FNDC3B: variants seen among roughly 807,000 people sequenced by gnomAD.
FNDC3B encodes fibronectin type III domain-containing protein 3B.
A neutral mutation model predicts 151.5 loss-of-function variants in FNDC3B; 12 were observed. The ratio of observed to expected loss-of-function variants is 0.08; its 90% CI spans 0.05 to 0.13. The LOEUF (loss-of-function observed/expected upper bound fraction) is 0.13, where lower values mean the gene tolerates loss of function less well. FNDC3B is among the 10% of genes least tolerant of loss of function. The probability of loss-of-function intolerance (pLI) is 1.00; values close to 1 mark genes in which losing one functional copy is unlikely to be tolerated. For synonymous variants in FNDC3B, 528 were observed against 549.0 expected, an observed-to-expected ratio of 0.96 and a Z score of 0.54; for missense variants, 1,214 against 1,505.3, an observed-to-expected ratio of 0.81 and a Z score of 3.20.
chr3:172,288,135 C>CAG (rs761314929), intron 7 of FNDC3B, among the ~76,000 whole-genome samples: 1 of 152,198 alleles, frequency 6.6e-6, no homozygotes, highest in Admixed American at 6.5e-5. Flanking sequence ...TTGTTGCCAA[C>CAG]AGAGAGAAAG....
chr3:172,358,954 T>TTGGTGGTGGTGG lies in FNDC3B; in HGVS notation c.2796-3625_2796-3614dup, dbSNP rs60325692. Among the ~76,000 whole-genome samples, 91 of 80,610 alleles carry TTGGTGGTGGTGG rather than the reference T, an allele frequency of 1.1e-3. 1 individual carries two copies. Among genetic ancestry groups the TTGGTGGTGGTGG allele is most frequent in the Admixed American group, 3.2e-3 (20 of 6,288 alleles). The allele number at this position is 80,610 out of a possible 152,430, so 52.9% of individuals were successfully genotyped here. A position where few individuals can be genotyped will look rare whatever the true frequency, so the allele number is the denominator to read the frequency against. On this transcript the variant is annotated intron_variant, in intron 22 of 25. Coordinates refer to ENST00000415807, the MANE Select transcript of FNDC3B (RefSeq NM_022763.4). ...AGTGTTAAATGCTACCACAGTTTTC[T>TTGGTGGTGGTGG]TGGTGGTGGTGGTGGTGGTGGTGGT...
At chr3:172,069,399 A>C (rs73037199) in intron 1 of FNDC3B, among the ~76,000 whole-genome samples, 4,473 of 152,334 alleles carry the variant, frequency 0.029, 214 homozygotes, top group African/African-American at 0.098. Context: ...TAGAGCCACT[A>C]AATATCTCTA....
chr3:172,377,114 T>A (rs567350392), intron 23 of FNDC3B, among the ~76,000 whole-genome samples: 1 of 152,340 alleles, frequency 6.6e-6, no homozygotes, highest in African/African-American at 2.4e-5. Flanking sequence ...ACATAAATTC[T>A]GCTTACCCCT....
chr3:172,316,342 G>A (rs551498495), intron 11 of FNDC3B: 1 of 446,118 alleles, frequency 2.2e-6, no homozygotes, highest in South Asian at 1.6e-5. Flanking sequence ...AGCAGAGGTG[G>A]GAGTTTTTCT....
intron 6 of FNDC3B, among the ~76,000 whole-genome samples, chr3:172,284,844 G>A (rs1729925486): frequency 6.6e-6 from 1 of 150,788 alleles, no homozygotes; most frequent in Non-Finnish European, 1.5e-5. Flanking sequence ...TGGGGGCAGG[G>A]ACATATGTCT....
At chr3:172,160,817 C>G (rs1356962879) in intron 3 of FNDC3B, among the ~76,000 whole-genome samples, 2 of 152,202 alleles carry the variant, frequency 1.3e-5, no homozygotes, top group Admixed American at 1.3e-4. Flanking sequence ...CCACAACTGT[C>G]ATAAATCCAG....
chr3:172,311,710 CAA>C (rs58156426), intron 11 of FNDC3B, among the ~76,000 whole-genome samples: 6,689 of 121,422 alleles, frequency 0.055, 556 homozygotes, highest in African/African-American at 0.18. Context: ...ACTAAAAATA[CAA>C]AAAAAAAAAA....
intron 3 of FNDC3B, among the ~76,000 whole-genome samples, chr3:172,214,641 A>G (rs1019130200): frequency 1.3e-5 from 2 of 151,556 alleles, no homozygotes; most frequent in Non-Finnish European, 2.9e-5. Context: ...CTCTGTGTTT[A>G]TGGAATATTT....
Position 172,344,246 on chromosome 3 carries a change from G to C in FNDC3B, c.2238G>C (p.Leu746=). 1 of 1,613,820 alleles carries C rather than the reference G, an allele frequency of 6.2e-7. No homozygotes were observed. The highest frequency in any genetic ancestry group is 8.5e-7 in the Non-Finnish European group (1 of 1,179,824). Residue 746 remains leucine, a synonymous_variant, in exon 19 of 26, where the codon CTG becomes CTC. Coordinates refer to ENST00000415807, the MANE Select transcript of FNDC3B (RefSeq NM_022763.4). The stretch of plus-strand genomic sequence containing the variant: ...TGTATCGCTTCCGGGTGAGGGCTCT[G>C]AATGATGGAGGGGTGAGTATAAGCC... The part of the protein sequence containing the change: ...GTVYRFRVRA[L]NDGGYGPYSD...
At chr3:172,179,008 G>A (rs569779467) in intron 3 of FNDC3B, among the ~76,000 whole-genome samples, 39 of 152,136 alleles carry the variant, frequency 2.6e-4, no homozygotes, top group Non-Finnish European at 5.4e-4. Flanking sequence ...ACTCTCTTTT[G>A]CTATTCCATA....
At chr3:172,301,352 A>G (rs1030816473) in intron 9 of FNDC3B, among the ~76,000 whole-genome samples, 1 of 152,170 alleles carries the variant, frequency 6.6e-6, no homozygotes, top group Non-Finnish European at 1.5e-5. Context: ...ATGAAGATGT[A>G]TTTTACTTGA....
At chr3:172,311,413 C>T (rs1412012059) in intron 11 of FNDC3B, among the ~76,000 whole-genome samples, 1 of 152,214 alleles carries the variant, frequency 6.6e-6, no homozygotes, top group African/African-American at 2.4e-5. Flanking sequence ...CCTTGCTGTT[C>T]ATGTCACCAG....
rs142920394 is a variant in FNDC3B, at chr3:172,051,146, C to T, written c.-29+11375C>T. The stretch of plus-strand genomic sequence containing the variant: ...TTGCCCAGGCTGGAGTGCAATGGCG[C>T]GATCTCGGCTCACCGCAACCTCTGC... On this transcript the variant is annotated intron_variant, in intron 1 of 25. Coordinates refer to ENST00000415807, the MANE Select transcript of FNDC3B (RefSeq NM_022763.4). 4.3e-3 allele frequency among the ~76,000 whole-genome samples: 642 copies of T among 149,248 alleles called. 4 individuals carry two copies. Among genetic ancestry groups the T allele is most frequent in the African/African-American group, 0.015 (616 of 40,384 alleles).
At chr3:172,075,378 C>T (rs1290490516) in intron 1 of FNDC3B, among the ~76,000 whole-genome samples, 2 of 152,112 alleles carry the variant, frequency 1.3e-5, no homozygotes, top group Admixed American at 6.5e-5. Context: ...TTTTAGATCT[C>T]TTCATTTTTG....
chr3:172,221,175 T>TG (rs1166569167), intron 3 of FNDC3B, among the ~76,000 whole-genome samples: 2 of 61,418 alleles, frequency 3.3e-5, no homozygotes, highest in Non-Finnish European at 7.5e-5. Context: ...CTAGCTCTAG[T>TG]AATTTTTTTT....
chr3:172,348,964 A>G (rs73035163), intron 21 of FNDC3B, among the ~76,000 whole-genome samples: 6,865 of 152,228 alleles, frequency 0.045, 530 homozygotes, highest in African/African-American at 0.16. Flanking sequence ...GTCAAGTTAA[A>G]CCCCAATATT....
rs567536752 is a variant in FNDC3B, at chr3:172,380,559, C to T, written c.3176-407C>T. ...ATTCCCTGATGTTTCTTTTTGTATG[C>T]GTCTCATACCTTGCTCTCCCCTTCC... On this transcript the variant is annotated intron_variant, in intron 24 of 25. Coordinates refer to ENST00000415807, the MANE Select transcript of FNDC3B (RefSeq NM_022763.4). 2.0e-4 allele frequency among the ~76,000 whole-genome samples: 31 copies of T among 152,012 alleles called. 1 individual carries two copies. The highest frequency in any genetic ancestry group is 1.0e-3 in the Admixed American group (16 of 15,248).
intron 3 of FNDC3B, among the ~76,000 whole-genome samples, chr3:172,176,418 A>G (rs1475506275): frequency 3.3e-5 from 5 of 152,186 alleles, no homozygotes; most frequent in Non-Finnish European, 7.3e-5. Context: ...CCTTCCATGG[A>G]CTATCTCAGA....
chr3:172,226,665 TG>T (rs1726598304), intron 3 of FNDC3B, among the ~76,000 whole-genome samples: 2 of 152,240 alleles, frequency 1.3e-5, no homozygotes, highest in South Asian at 4.1e-4. Flanking sequence ...TTGGGTTTTT[TG>T]TTTGTTTTCT....
Sources: allele counts gnomAD v4.1 joint callset (sites outside exome capture counted in the v4.1 genomes callset), GRCh38; gene constraint gnomAD v4.1.1; transcripts MANE v1.5; gene names NCBI Gene and HGNC (gene_info 2026-07-23, HGNC 2026-07-21).